NIPBL: variants seen among roughly 807,000 people sequenced by gnomAD.
NIPBL encodes the protein NIPBL cohesin loading factor, also known as nipped-B-like protein.
NIPBL carries 19 observed loss-of-function variants against 321.8 expected under a neutral mutation model. The ratio of observed to expected loss-of-function variants is 0.06; its 90% CI spans 0.04 to 0.09. NIPBL has a LOEUF of 0.09. NIPBL is among the 10% of genes least tolerant of loss of function. The pLI, the probability that NIPBL is intolerant of heterozygous loss-of-function variation, is 1.00. For missense variants in NIPBL, 2,210 were observed against 3,327.0 expected (o/e 0.66, Z 8.26); for synonymous variants, 1,106 against 1,114.1 (o/e 0.99, Z 0.14).
chr5:37,038,573 G>C, intron 33 of NIPBL, 29 bp from the exon 34 acceptor site: 2 of 1,605,636 alleles, frequency 1.2e-6, no homozygotes, highest in Non-Finnish European at 1.7e-6. Context: ...TCATATTTTA[G>C]TGTCTTATTT....
intron 42 of NIPBL, 123 bp downstream of exon 42, chr5:37,052,689 T>G (rs2149742725): frequency 2.6e-6 from 2 of 756,156 alleles, no homozygotes; most frequent in Non-Finnish European, 2.2e-6. Context: ...AAGTGTTTTC[T>G]TAATCTTCTA....
chr5:36,960,983 T>C (rs920613193), intron 4 of NIPBL, among the ~76,000 whole-genome samples: 2 of 152,118 alleles, frequency 1.3e-5, no homozygotes, highest in African/African-American at 4.8e-5. Flanking sequence ...AGGTGGAAAT[T>C]GCAGGAATTC....
intron 1 of NIPBL, among the ~76,000 whole-genome samples, chr5:36,877,483 C>T (rs1365775958): frequency 1.3e-5 from 2 of 152,240 alleles, no homozygotes; most frequent in Non-Finnish European, 2.9e-5. Context: ...ATTAGGAGAG[C>T]TCCGGGCTGA....
intron 9 of NIPBL, among the ~76,000 whole-genome samples, chr5:36,977,540 A>G (rs185024199): frequency 3.3e-5 from 5 of 151,778 alleles, no homozygotes; most frequent in Non-Finnish European, 4.4e-5. Context: ...ATAGATGCAA[A>G]TAAAGAGATT....
chr5:36,890,402 T>G (rs1420555197), intron 1 of NIPBL, among the ~76,000 whole-genome samples: 6 of 152,254 alleles, frequency 3.9e-5, no homozygotes, highest in Admixed American at 1.3e-4. Context: ...ATCTTTATTT[T>G]CATTCACATC....
chr5:37,045,749 C>CA, intron 37 of NIPBL, 152 bp downstream of exon 37: 1 of 784,692 alleles, frequency 1.3e-6, no homozygotes, highest in Non-Finnish European at 2.1e-6. Context: ...ACGTGGTCCT[C>CA]AGACTGGCTG....
intron 29 of NIPBL, among the ~76,000 whole-genome samples, chr5:37,023,065 A>G (rs1202302725): frequency 1.3e-5 from 2 of 152,250 alleles, no homozygotes; most frequent in African/African-American, 4.8e-5. Context: ...CTAGTGCACA[A>G]AATTAAGTAT....
At chr5:37,022,432 G>C in intron 29 of NIPBL, 42 bp downstream of exon 29, 1 of 1,548,370 alleles carries the variant, frequency 6.5e-7, no homozygotes, top group Non-Finnish European at 8.8e-7. Flanking sequence ...ATATAATTTT[G>C]CCTTTCAAGC....
chr5:36,877,105 C>G lies in NIPBL; in HGVS notation c.-153C>G, dbSNP rs914940999. The G allele has an allele frequency of 2.8e-5, 10 of 352,882 alleles. No homozygotes were observed. The highest frequency in any genetic ancestry group is 1.1e-4 in the African/African-American group (5 of 46,962). 21.9% of individuals were successfully genotyped at this position (352,882 alleles called of 1,614,324 possible). On this transcript the variant is annotated 5_prime_UTR_variant, in exon 1 of 47. Transcript: ENST00000282516. ...GGAAGAGGAGCCGTAGCCACCCCCC[C>G]TCCCGGCCCGGATTATAGTCTCTCG...
intron 21 of NIPBL, among the ~76,000 whole-genome samples, chr5:37,012,986 T>C (rs1410861360): frequency 3.3e-4 from 51 of 152,246 alleles, no homozygotes; most frequent in African/African-American, 1.2e-3. Context: ...TTGGGTACAC[T>C]TCCCAGACGG....
chr5:36,886,940 G>A (rs1019605201), intron 1 of NIPBL, among the ~76,000 whole-genome samples: 2 of 151,906 alleles, frequency 1.3e-5, no homozygotes, highest in African/African-American at 2.4e-5. Context: ...TCAGTAGTTT[G>A]TCAATGACTG....
At chr5:36,971,868 T>G (rs964771157) in intron 7 of NIPBL, 77 bp from the exon 8 acceptor site, 18 of 1,527,982 alleles carry the variant, frequency 1.2e-5, no homozygotes, top group Non-Finnish European at 1.6e-5. Flanking sequence ...AATTTATGTC[T>G]CTTATTGGTT....
chr5:37,007,986 C>T, intron 18 of NIPBL, 22 bp from the exon 19 acceptor site: 3 of 1,406,424 alleles, frequency 2.1e-6, no homozygotes, highest in Non-Finnish European at 3.0e-6. Context: ...GTGTATACTA[C>T]TTACTCTTCT....
At chr5:36,889,518 C>G (rs1204411932) in intron 1 of NIPBL, among the ~76,000 whole-genome samples, 7 of 152,160 alleles carry the variant, frequency 4.6e-5, no homozygotes, top group African/African-American at 1.4e-4. Context: ...TGCCACTGCA[C>G]TGTCCTCCGT....
intron 1 of NIPBL, among the ~76,000 whole-genome samples, chr5:36,936,063 G>A (rs907152682): frequency 6.6e-6 from 1 of 152,064 alleles, no homozygotes; most frequent in African/African-American, 2.4e-5. Flanking sequence ...AGGGGGTTGA[G>A]GGTTTCACAT....
Position 37,017,014 on chromosome 5 carries a change from T to C in NIPBL, c.4777-5T>C, listed in dbSNP as rs1371360446. ...TATTCAATCAAAAACTATTTTGATATTTAGGTTCATCAGTTCAGTAACAAG... is the reference window on the plus strand; with the variant it reads ...TATTCAATCAAAAACTATTTTGATACTTAGGTTCATCAGTTCAGTAACAAG... On this transcript the variant is annotated splice_polypyrimidine_tract_variant and splice_region_variant and intron_variant, in intron 23 of 46. Transcript: ENST00000282516. 6.3e-7 allele frequency: 1 copy of C among 1,586,882 alleles called. No individual in the cohort carries two copies. The highest frequency in any genetic ancestry group is 8.6e-7 in the Non-Finnish European group (1 of 1,161,452).
At chr5:37,022,438 C>A in intron 29 of NIPBL, 48 bp downstream of exon 29, 3 of 1,526,346 alleles carry the variant, frequency 2.0e-6, no homozygotes, top group Non-Finnish European at 2.7e-6. Context: ...TTTTGCCTTT[C>A]AAGCATCATG....
At chr5:36,903,598 G>A (rs77689797) in intron 1 of NIPBL, among the ~76,000 whole-genome samples, 18,545 of 152,072 alleles carry the variant, frequency 0.12, 1,219 homozygotes, top group Admixed American at 0.19. Flanking sequence ...CTGGCACTTG[G>A]TGGGTGCTCA....
At chr5:37,053,650 G>T (rs1753796855) in intron 42 of NIPBL, among the ~76,000 whole-genome samples, 1 of 152,144 alleles carries the variant, frequency 6.6e-6, no homozygotes, top group African/African-American at 2.4e-5. Context: ...ACAGCAATTG[G>T]GGAGATTACC....
Sources: allele counts gnomAD v4.1 joint callset (sites outside exome capture counted in the v4.1 genomes callset), GRCh38; gene constraint gnomAD v4.1.1; transcripts MANE v1.5; gene names NCBI Gene and HGNC (gene_info 2026-07-23, HGNC 2026-07-21).